Variants in DENND5B observed in about 807,000 individuals in gnomAD.
DENND5B encodes DENN domain containing 5B.
DENND5B carries 34 observed loss-of-function variants against 140.6 expected under a neutral mutation model. The ratio of observed to expected loss-of-function variants is 0.24; its 90% CI spans 0.18 to 0.32. The LOEUF is 0.32. Ranked by LOEUF, DENND5B falls within the 10% of genes least tolerant of loss-of-function variation. The probability of loss-of-function intolerance (pLI) is 1.00; values close to 1 mark genes in which losing one functional copy is unlikely to be tolerated. For missense variants in DENND5B, 1,142 were observed against 1,560.2 expected, an observed-to-expected ratio of 0.73 and a Z score of 4.52; for synonymous variants, 551 against 562.1, an observed-to-expected ratio of 0.98 and a Z score of 0.28.
At chr12:31,413,614 A>G (rs1338598113) in intron 12 of DENND5B, 50 bp from the exon 13 acceptor site, 2 of 1,573,782 alleles carry the variant, frequency 1.3e-6, no homozygotes, top group East Asian at 4.5e-5. Context: ...GATAACCCTG[A>G]CTAGAAAAGA....
chr12:31,399,815 C>A lies in DENND5B; in HGVS notation c.2950-43G>T, dbSNP rs759159650. The A allele has an allele frequency of 1.0e-5, 15 of 1,467,906 alleles. No individual in the cohort carries two copies. The South Asian group carries it at 1.7e-4, about 16-fold the overall frequency. 90.9% of individuals were successfully genotyped at this position (1,467,906 alleles called of 1,614,324 possible). On this transcript the variant is annotated intron_variant, in intron 15 of 20. Coordinates refer to ENST00000389082, the MANE Select transcript of DENND5B (RefSeq NM_144973.4). ...TAGGTTATTTAGTACCCAATCCCAT[C>A]CTGTTACATCTCAGCTTTACAGGTA... is the stretch of plus-strand genomic sequence containing the variant.
intron 1 of DENND5B, among the ~76,000 whole-genome samples, chr12:31,573,633 C>G (rs1203090648): frequency 6.6e-6 from 1 of 152,184 alleles, no homozygotes; most frequent in Non-Finnish European, 1.5e-5. Flanking sequence ...AACACTTGTG[C>G]AAGAGACTCT....
intron 2 of DENND5B, among the ~76,000 whole-genome samples, chr12:31,491,330 A>G (rs1405811351): frequency 6.6e-6 from 1 of 152,124 alleles, no homozygotes; most frequent in Non-Finnish European, 1.5e-5. Flanking sequence ...GTGCGCGACT[A>G]TAATCCCAGC....
At chr12:31,471,442 C>CGATT (rs1945555078) in intron 3 of DENND5B, among the ~76,000 whole-genome samples, 1 of 151,202 alleles carries the variant, frequency 6.6e-6, no homozygotes, top group Non-Finnish European at 1.5e-5. Flanking sequence ...AGATTACAAT[C>CGATT]GCACACCACC....
At chr12:31,421,711 G>A (rs951930971) in intron 11 of DENND5B, among the ~76,000 whole-genome samples, 7 of 151,886 alleles carry the variant, frequency 4.6e-5, no homozygotes, top group African/African-American at 1.2e-4. Flanking sequence ...CACCATGCCC[G>A]GCTAATTTTT....
chr12:31,387,809 T>C, intron 20 of DENND5B, 23 bp from the exon 21 acceptor site: 1 of 1,604,450 alleles, frequency 6.2e-7, no homozygotes, highest in South Asian at 1.1e-5. Context: ...ACAGAAACAA[T>C]TCCTGAGCAT....
chr12:31,405,333 C>T (rs551795400), intron 14 of DENND5B, among the ~76,000 whole-genome samples: 2 of 152,154 alleles, frequency 1.3e-5, no homozygotes, highest in South Asian at 2.1e-4. Flanking sequence ...CCTCCCACCT[C>T]GGCCTCCCCA....
chr12:31,387,581 T>C lies in DENND5B; in HGVS notation c.*22A>G. ...GTTGGGGAAGGAGCAAGGTTTGGAC[T>C]GAGAGTTTCTAGCCAGTTGGGTTAC... On this transcript the variant is annotated 3_prime_UTR_variant, in exon 21 of 21. Transcript: ENST00000389082. 1 of 1,607,380 alleles carries C rather than the reference T, an allele frequency of 6.2e-7. No individual in the cohort carries two copies. The highest frequency in any genetic ancestry group is 8.5e-7 in the Non-Finnish European group (1 of 1,174,952).
At chr12:31,399,891 A>T in intron 15 of DENND5B, 119 bp from the exon 16 acceptor site, 1 of 671,172 alleles carries the variant, frequency 1.5e-6, no homozygotes. Flanking sequence ...TGCATAATGT[A>T]TTCAGCTATG....
At chr12:31,428,888 C>T (rs1241676838) in intron 8 of DENND5B, among the ~76,000 whole-genome samples, 1 of 152,210 alleles carries the variant, frequency 6.6e-6, no homozygotes, top group Non-Finnish European at 1.5e-5. Flanking sequence ...TCTGCCACCA[C>T]ACCCGGCTAT....
chr12:31,533,314 A>G (rs964037037), intron 1 of DENND5B, among the ~76,000 whole-genome samples: 2 of 152,220 alleles, frequency 1.3e-5, no homozygotes, highest in Admixed American at 6.5e-5. Flanking sequence ...AATAAAAAAT[A>G]CAGTACATGC....
intron 17 of DENND5B, among the ~76,000 whole-genome samples, chr12:31,397,425 G>A (rs1407026509): frequency 1.3e-5 from 2 of 151,582 alleles, no homozygotes; most frequent in Non-Finnish European, 2.9e-5. Context: ...GCGGGCACCT[G>A]TAATCCCAGC....
intron 3 of DENND5B, among the ~76,000 whole-genome samples, chr12:31,476,249 A>T (rs1460376613): frequency 6.6e-6 from 1 of 151,656 alleles, no homozygotes; most frequent in Non-Finnish European, 1.5e-5. Flanking sequence ...TAGGTTCTCA[A>T]CTCTGGAATA....
intron 14 of DENND5B, 131 bp downstream of exon 14, chr12:31,409,132 C>T (rs1942299106): frequency 3.9e-6 from 4 of 1,026,116 alleles, no homozygotes; most frequent in Non-Finnish European, 5.3e-6. Flanking sequence ...ATATCCTTTA[C>T]TCCTAAACAG....
Position 31,479,788 on chromosome 12 carries a change from T to G in DENND5B, c.705A>C (p.Glu235Asp). 6.2e-7 allele frequency: 1 copy of G among 1,612,332 alleles called. No individual in the cohort carries two copies. The highest frequency in any genetic ancestry group is 8.5e-7 in the Non-Finnish European group (1 of 1,179,144). Residue 235 changes from glutamate (E) to aspartate (D), a missense_variant, in exon 3 of 21, where the codon GAA (glutamate) becomes GAC (aspartate). Glu to Asp is a conservative substitution (Grantham distance 45). Transcript: ENST00000389082. ...ACCTCCCTGGAGGTGGAAGGGGTAC[T>G]TCATAAAGAATATTGTGGATATAGC... ...LESYIHNILY[E>D]VPLPPPGRSL...
chr12:31,486,913 A>G (rs988641526), intron 2 of DENND5B, among the ~76,000 whole-genome samples: 53 of 152,330 alleles, frequency 3.5e-4, no homozygotes, highest in Middle Eastern at 3.4e-3. Context: ...TTATATAAAC[A>G]TACACATTAC....
At chr12:31,556,615 A>C (rs955191316) in intron 1 of DENND5B, among the ~76,000 whole-genome samples, 2 of 152,204 alleles carry the variant, frequency 1.3e-5, no homozygotes, top group Non-Finnish European at 2.9e-5. Context: ...TCAGGAGTTC[A>C]AGACCAGCCT....
intron 1 of DENND5B, chr12:31,590,032 A>T (rs1033888065): frequency 6.6e-6 from 1 of 152,302 alleles, no homozygotes; most frequent in African/African-American, 2.4e-5. Context: ...CAGTGTAGGC[A>T]GTGTCAACAA....
At chr12:31,507,880 C>T (rs1947264198) in intron 1 of DENND5B, among the ~76,000 whole-genome samples, 3 of 151,996 alleles carry the variant, frequency 2.0e-5, no homozygotes, top group Admixed American at 6.6e-5. Flanking sequence ...AGAGTTTTCT[C>T]TTATAGAAAA....
Sources: allele counts gnomAD v4.1 joint callset (sites outside exome capture counted in the v4.1 genomes callset), GRCh38; gene constraint gnomAD v4.1.1; transcripts MANE v1.5; gene names NCBI Gene and HGNC (gene_info 2026-07-23, HGNC 2026-07-21).